Variants in MACROD2 observed in about 807,000 individuals in gnomAD.
MACROD2 encodes ADP-ribose glycohydrolase MACROD2.
A neutral mutation model predicts 70.4 loss-of-function variants in MACROD2; 36 were observed. The ratio of observed to expected loss-of-function variants is 0.51; its 90% CI spans 0.39 to 0.68. The LOEUF (loss-of-function observed/expected upper bound fraction) is 0.68. MACROD2 is among the 30% of genes least tolerant of loss of function. The pLI is 0.00. For synonymous variants in MACROD2, 172 were observed against 178.8 expected (o/e 0.96, Z 0.30); for missense variants, 496 against 538.4 (o/e 0.92, Z 0.78).
chr20:15,007,174 C>T (rs1226054168), intron 5 of MACROD2, among the ~76,000 whole-genome samples: 1 of 151,846 alleles, frequency 6.6e-6, no homozygotes. Flanking sequence ...ACCATCCTGG[C>T]TAACATGGTG....
At chr20:14,976,067 G>A (rs1189756771) in intron 5 of MACROD2, among the ~76,000 whole-genome samples, 10 of 152,160 alleles carry the variant, frequency 6.6e-5, no homozygotes, top group Admixed American at 6.5e-4. Flanking sequence ...AATGTCAAGA[G>A]CATGGTTGTT....
At chr20:15,050,721 C>T (rs1371098153) in intron 5 of MACROD2, among the ~76,000 whole-genome samples, 2 of 150,366 alleles carry the variant, frequency 1.3e-5, no homozygotes, top group African/African-American at 4.9e-5. Context: ...GAAATGCTTG[C>T]TCTAGAGAGT....
chr20:15,762,794 C>A (rs773640089), intron 8 of MACROD2, among the ~76,000 whole-genome samples: 1 of 152,186 alleles, frequency 6.6e-6, no homozygotes, highest in Non-Finnish European at 1.5e-5. Context: ...ATGAGCACTA[C>A]TAAACGATCA....
chr20:15,117,742 A>G lies in MACROD2; in HGVS notation c.419-112198A>G, dbSNP rs76062666. 4.4e-3 allele frequency among the ~76,000 whole-genome samples: 664 copies of G among 152,264 alleles called. 40 individuals carry two copies. The East Asian group carries it at 0.11, about 25-fold the overall frequency. ...TGCACTCTCATTCAATGTTTGGACAACTTGATGGAATACCCTGGAAAGTTT... is the reference window on the plus strand; with the variant it reads ...TGCACTCTCATTCAATGTTTGGACAGCTTGATGGAATACCCTGGAAAGTTT... On this transcript the variant is annotated intron_variant, in intron 5 of 17. Coordinates refer to ENST00000684519, the MANE Select transcript of MACROD2 (RefSeq NM_001351661.2).
intron 8 of MACROD2, among the ~76,000 whole-genome samples, chr20:15,502,362 C>A (rs2047374956): frequency 6.6e-6 from 1 of 152,038 alleles, no homozygotes; most frequent in Admixed American, 6.6e-5. Flanking sequence ...AATGATGAGA[C>A]CCAATGTGGT....
At chr20:15,378,880 C>T (rs1420352432) in intron 6 of MACROD2, among the ~76,000 whole-genome samples, 1 of 152,084 alleles carries the variant, frequency 6.6e-6, no homozygotes, top group East Asian at 1.9e-4. Context: ...GCAACGCATG[C>T]CAGATTTCAT....
chr20:14,072,344 T>C (rs974849755), intron 2 of MACROD2, among the ~76,000 whole-genome samples: 3 of 152,140 alleles, frequency 2.0e-5, no homozygotes, highest in African/African-American at 7.2e-5. Context: ...CATTCACAGA[T>C]GGACTCTTTG....
intron 5 of MACROD2, among the ~76,000 whole-genome samples, chr20:14,862,704 T>TATATATAAATATATATAAAAAA (rs1568841732): frequency 1.1e-5 from 1 of 89,358 alleles, no homozygotes. Flanking sequence ...TATATAAATA[T>TATATATAAATATATATAAAAAA]ATATATATAT....
chr20:14,443,560 G>T (rs987226792), intron 3 of MACROD2, among the ~76,000 whole-genome samples: 1 of 152,078 alleles, frequency 6.6e-6, no homozygotes, highest in Non-Finnish European at 1.5e-5. Context: ...GCCTCCCAAA[G>T]TGCTGGGATT....
chr20:15,958,174 G>T (rs2066004255), intron 12 of MACROD2, among the ~76,000 whole-genome samples: 1 of 152,218 alleles, frequency 6.6e-6, no homozygotes, highest in Non-Finnish European at 1.5e-5. Context: ...ACACAGAACT[G>T]ATATTCCGCC....
At chr20:14,771,942 C>T (rs1307792085) in intron 5 of MACROD2, among the ~76,000 whole-genome samples, 1 of 151,964 alleles carries the variant, frequency 6.6e-6, no homozygotes, top group East Asian at 1.9e-4. Flanking sequence ...CACACCTTTT[C>T]AGGAAAGACA....
At chr20:14,902,969 C>G (rs6079601) in intron 5 of MACROD2, among the ~76,000 whole-genome samples, 133,456 of 151,466 alleles carry the variant, frequency 0.88, 58,810 homozygotes, top group East Asian at 1. Flanking sequence ...GCTCTTCTGT[C>G]AGCAAAACCC....
chr20:14,240,855 G>A (rs1308955756), intron 3 of MACROD2, among the ~76,000 whole-genome samples: 1 of 152,170 alleles, frequency 6.6e-6, no homozygotes, highest in Non-Finnish European at 1.5e-5. Flanking sequence ...TTTTGGCTGG[G>A]CGTGGCGGCT....
intron 8 of MACROD2, among the ~76,000 whole-genome samples, chr20:15,573,428 A>G (rs966086504): frequency 6.6e-6 from 1 of 152,136 alleles, no homozygotes; most frequent in Non-Finnish European, 1.5e-5. Flanking sequence ...TCTGTTAGGA[A>G]TATTTCATAG....
chr20:15,220,995 A>G (rs1404894776), intron 5 of MACROD2, among the ~76,000 whole-genome samples: 1 of 152,194 alleles, frequency 6.6e-6, no homozygotes, highest in Non-Finnish European at 1.5e-5. Context: ...TGCTGACGAC[A>G]AGCACATGCA....
At chr20:15,515,799 T>G (rs575913651) in intron 8 of MACROD2, among the ~76,000 whole-genome samples, 1 of 152,346 alleles carries the variant, frequency 6.6e-6, no homozygotes, top group East Asian at 1.9e-4. Flanking sequence ...AAACCAGCCC[T>G]AGTGTGCAGA....
rs760766488 is a variant in MACROD2, at chr20:15,322,328, C to G, written c.540+92267C>G. On this transcript the variant is annotated intron_variant, in intron 6 of 17. Transcript: ENST00000684519. ...TATTGTAGAGAATGCCTGGGTGGGA[C>G]GGGGATATTTACCATGCACTCACTA... 1.4e-4 allele frequency among the ~76,000 whole-genome samples: 20 copies of G among 143,326 alleles called. 2 individuals carry two copies. Among genetic ancestry groups the G allele is most frequent in the Admixed American group, 7.0e-4 (10 of 14,296 alleles). 94.0% of individuals were successfully genotyped at this position (143,326 alleles called of 152,430 possible).
intron 8 of MACROD2, among the ~76,000 whole-genome samples, chr20:15,744,693 TACACACACAC>T (rs11467530): frequency 0.042 from 6,209 of 148,296 alleles, 213 homozygotes; most frequent in East Asian, 0.099. Context: ...AAACCAAGTA[TACACACACAC>T]ACACACACAC....
At chr20:14,663,519 TACACAC>T (rs10606501) in intron 4 of MACROD2, among the ~76,000 whole-genome samples, 14,809 of 141,464 alleles carry the variant, frequency 0.1, 1,198 homozygotes, top group South Asian at 0.27. Flanking sequence ...CAGGGATGTA[TACACAC>T]ACACACACAC....
Sources: allele counts gnomAD v4.1 joint callset (sites outside exome capture counted in the v4.1 genomes callset), GRCh38; gene constraint gnomAD v4.1.1; transcripts MANE v1.5; gene names NCBI Gene and HGNC (gene_info 2026-07-23, HGNC 2026-07-21).